Variants in BTRC observed in about 807,000 individuals in gnomAD.
BTRC encodes F-box/WD repeat-containing protein 1A.
BTRC carries 42 observed loss-of-function variants against 85.5 expected under a neutral mutation model. The observed-to-expected ratio is 0.49, with a 90% CI of 0.38 to 0.64. The LOEUF (loss-of-function observed/expected upper bound fraction) is 0.64. Ranked by LOEUF, BTRC falls within the 30% of genes least tolerant of loss-of-function variation. BTRC has a pLI of 0.00. For missense variants in BTRC, 594 were observed against 743.5 expected, an observed-to-expected ratio of 0.80 and a Z score of 2.34; for synonymous variants, 255 against 263.3, an observed-to-expected ratio of 0.97 and a Z score of 0.30.
chr10:101,359,421 C>T (rs10883622), intron 1 of BTRC, among the ~76,000 whole-genome samples: 55,028 of 151,654 alleles, frequency 0.36, 11,075 homozygotes, highest in Middle Eastern at 0.48. Context: ...TTCTTTTTGC[C>T]TATTTTCTTT....
At chr10:101,539,865 C>T (rs1437292986) in intron 13 of BTRC, among the ~76,000 whole-genome samples, 1 of 152,204 alleles carries the variant, frequency 6.6e-6, no homozygotes, top group Non-Finnish European at 1.5e-5. Flanking sequence ...TAGTCATTCT[C>T]ATTGTGGTTT....
intron 5 of BTRC, among the ~76,000 whole-genome samples, chr10:101,522,352 T>TAAAAAAAAAAAAAAAAAAA (rs34282047): frequency 2.4e-5 from 1 of 42,096 alleles, no homozygotes; most frequent in Admixed American, 4.0e-4. Context: ...TATAAAGCTT[T>TAAAAAAAAAAAAAAAAAAA]AAAAAAAAAA....
intron 4 of BTRC, among the ~76,000 whole-genome samples, chr10:101,508,930 A>AAAAAAAAAAAAAC (rs1946615994): frequency 1.3e-5 from 2 of 150,878 alleles, no homozygotes; most frequent in Admixed American, 6.6e-5. Flanking sequence ...AAAAAAAAAA[A>AAAAAAAAAAAAAC]AAAAAACTAA....
intron 4 of BTRC, among the ~76,000 whole-genome samples, chr10:101,511,582 A>T (rs2061955220): frequency 6.6e-6 from 1 of 151,994 alleles, no homozygotes; most frequent in African/African-American, 2.4e-5. Flanking sequence ...TTTGCGACAG[A>T]GTCTCACTCT....
intron 13 of BTRC, among the ~76,000 whole-genome samples, chr10:101,548,044 A>C (rs2062585797): frequency 6.6e-6 from 1 of 152,242 alleles, no homozygotes; most frequent in Non-Finnish European, 1.5e-5. Context: ...ATTATAGTAA[A>C]ATACTACTAC....
At chr10:101,421,826 A>C (rs1379132084) in intron 1 of BTRC, among the ~76,000 whole-genome samples, 1 of 151,874 alleles carries the variant, frequency 6.6e-6, no homozygotes, top group Non-Finnish European at 1.5e-5. Flanking sequence ...GCTGGCTACT[A>C]TTCCATGGTG....
chr10:101,491,709 A>G (rs1288423922), intron 4 of BTRC, among the ~76,000 whole-genome samples: 3 of 151,956 alleles, frequency 2.0e-5, no homozygotes, highest in Non-Finnish European at 4.4e-5. Context: ...AAAAAAAAAA[A>G]GTCTCTTAAG....
intron 1 of BTRC, among the ~76,000 whole-genome samples, chr10:101,357,568 T>C (rs1942078384): frequency 6.6e-6 from 1 of 152,188 alleles, no homozygotes; most frequent in Non-Finnish European, 1.5e-5. Context: ...TGTTCTGGTC[T>C]TAACCTTTCC....
chr10:101,399,063 C>T (rs1943433255), intron 1 of BTRC, among the ~76,000 whole-genome samples: 1 of 152,182 alleles, frequency 6.6e-6, no homozygotes, highest in African/African-American at 2.4e-5. Flanking sequence ...AGCGATTCTC[C>T]TGCATCAGCC....
intron 1 of BTRC, among the ~76,000 whole-genome samples, chr10:101,403,612 G>A (rs1943541505): frequency 6.6e-6 from 1 of 151,758 alleles, no homozygotes; most frequent in Admixed American, 6.6e-5. Flanking sequence ...CCCACTTTGA[G>A]ACAGGTCTAG....
intron 1 of BTRC, among the ~76,000 whole-genome samples, chr10:101,359,485 T>C (rs1301339024): frequency 6.6e-6 from 1 of 152,166 alleles, no homozygotes. Flanking sequence ...TGGAGTGCAG[T>C]GGCACAATTT....
In BTRC at chr10:101,381,013, C is replaced by A. The variant is rs145949879; in HGVS notation, c.48+26785C>A. ...ACATAGAAAGGGTACGGTAAAAATA[C>A]AGTGTTATAATTTTATGAGACCACT... On this transcript the variant is annotated intron_variant, in intron 1 of 14. Coordinates refer to ENST00000370187, the MANE Select transcript of BTRC (RefSeq NM_033637.4). Among the ~76,000 whole-genome samples, 107 of 152,180 alleles carry A rather than the reference C, an allele frequency of 7.0e-4. 2 individuals are homozygous for A. In the East Asian group the frequency reaches 0.018, roughly 25 times the overall value.
chr10:101,435,170 CTAGATTTTTATTTAGGTAAATTATTTACT>C (rs1368974366), intron 2 of BTRC, among the ~76,000 whole-genome samples: 4 of 151,758 alleles, frequency 2.6e-5, no homozygotes, highest in African/African-American at 4.8e-5. Flanking sequence ...TTTTATTTAC[CTAGATTTTTATTTAGGTAAATTATTTACT>C]TAGATTTTTA....
intron 1 of BTRC, among the ~76,000 whole-genome samples, chr10:101,376,474 G>A (rs1414838575): frequency 6.6e-6 from 1 of 152,138 alleles, no homozygotes; most frequent in African/African-American, 2.4e-5. Context: ...AGTGAACCAT[G>A]GGAGTAGGAA....
intron 2 of BTRC, among the ~76,000 whole-genome samples, chr10:101,460,669 T>G (rs576963179): frequency 1.3e-5 from 2 of 152,304 alleles, no homozygotes; most frequent in East Asian, 3.9e-4. Flanking sequence ...ACACAGTACG[T>G]TTTTTATCTC....
At chr10:101,481,791 G>A (rs535685382) in intron 4 of BTRC, among the ~76,000 whole-genome samples, 1 of 151,928 alleles carries the variant, frequency 6.6e-6, no homozygotes, top group South Asian at 2.1e-4. Flanking sequence ...ATATCCTTTC[G>A]TCATCCTCTT....
At chr10:101,545,726 A>AT (rs1238728110) in intron 13 of BTRC, among the ~76,000 whole-genome samples, 1 of 152,158 alleles carries the variant, frequency 6.6e-6, no homozygotes, top group Non-Finnish European at 1.5e-5. Flanking sequence ...ATTAATTTCT[A>AT]TTTTTTGAGC....
At chr10:101,419,120 C>T (rs374842990) in intron 1 of BTRC, among the ~76,000 whole-genome samples, 43 of 152,018 alleles carry the variant, frequency 2.8e-4, no homozygotes, top group East Asian at 1.4e-3. Context: ...TGGCAATTCT[C>T]CTGCCTCAGC....
intron 3 of BTRC, 21 bp from the exon 4 acceptor site, chr10:101,479,347 T>A: frequency 6.3e-7 from 1 of 1,591,662 alleles, no homozygotes; most frequent in Non-Finnish European, 8.6e-7. Flanking sequence ...AAAACCTGTT[T>A]CCAACAAATT....
Sources: gnomAD v4.1 joint callset for allele counts (sites outside exome capture counted in the v4.1 genomes callset) on GRCh38, gnomAD v4.1.1 for gene constraint, MANE v1.5 for transcripts, NCBI Gene and HGNC (gene_info 2026-07-23, HGNC 2026-07-21) for gene names.